The following UBE2U variants were observed in gnomAD, a reference collection of about 807,000 sequenced individuals.
UBE2U encodes the protein ubiquitin conjugating enzyme E2 U.
UBE2U carries 39 observed loss-of-function variants against 41.2 expected under a neutral mutation model. That is an observed-to-expected ratio of 0.95 (90% CI 0.73 to 1.24). The LOEUF (loss-of-function observed/expected upper bound fraction) is 1.24. Among genes scored for constraint, UBE2U ranks in the 50% most tolerant of loss-of-function variants. The pLI is 0.00. For synonymous variants in UBE2U, 107 were observed against 117.8 expected, an observed-to-expected ratio of 0.91 and a Z score of 0.60; for missense variants, 336 against 363.1, an observed-to-expected ratio of 0.93 and a Z score of 0.61.
chr1:64,206,724 A>G, intron 2 of UBE2U, 40 bp from the exon 3 acceptor site: 1 of 1,246,258 alleles, frequency 8.0e-7, no homozygotes, highest in South Asian at 1.3e-5. Context: ...TAATCAATAA[A>G]CATGACACTT....
chr1:64,260,250 T>C lies in UBE2U; in HGVS notation c.678-353T>C, dbSNP rs76232521. Among the ~76,000 whole-genome samples, 281 of 152,294 alleles carry C rather than the reference T, an allele frequency of 1.8e-3. 1 individual carries two copies. Among genetic ancestry groups the C allele is most frequent in the African/African-American group, 6.4e-3 (266 of 41,572 alleles). ...AGAACTATGAGAGAATACATTTCTGTTATTTTAAGTCACCAAGTTTGTGGT... is the reference window on the plus strand; with the variant it reads ...AGAACTATGAGAGAATACATTTCTGCTATTTTAAGTCACCAAGTTTGTGGT... On this transcript the variant is annotated intron_variant, in intron 8 of 9. Coordinates refer to ENST00000371077, the MANE Select transcript of UBE2U (RefSeq NM_001366232.2).
At chr1:64,243,526 A>G (rs1644870034) in intron 8 of UBE2U, among the ~76,000 whole-genome samples, 1 of 152,132 alleles carries the variant, frequency 6.6e-6, no homozygotes, top group South Asian at 2.1e-4. Context: ...TGCCATATTA[A>G]GCATCTCTCA....
At chr1:64,239,157 A>AGAAGGAGAAG (rs756975010) in intron 7 of UBE2U, among the ~76,000 whole-genome samples, 2 of 37,064 alleles carry the variant, frequency 5.4e-5, no homozygotes, top group African/African-American at 1.7e-4. Context: ...GAAGAAGAAG[A>AGAAGGAGAAG]AAGAAGAAGA....
At chr1:64,211,627 G>C (rs1252609709) in intron 4 of UBE2U, among the ~76,000 whole-genome samples, 2 of 151,958 alleles carry the variant, frequency 1.3e-5, no homozygotes, top group African/African-American at 4.8e-5. Flanking sequence ...TTTCTGTAGA[G>C]ACGGGGTCTC....
intron 5 of UBE2U, among the ~76,000 whole-genome samples, chr1:64,219,395 A>G (rs1652260832): frequency 2.6e-5 from 4 of 151,294 alleles, no homozygotes; most frequent in Admixed American, 2.6e-4. Context: ...TTCTTTGTGT[A>G]TCCTCCCCTT....
intron 9 of UBE2U, among the ~76,000 whole-genome samples, chr1:64,262,702 G>C (rs1645196186): frequency 6.6e-6 from 1 of 152,170 alleles, no homozygotes; most frequent in African/African-American, 2.4e-5. Context: ...ATAATCATGT[G>C]AGTGAGACCT....
chr1:64,260,502 C>T, intron 8 of UBE2U, 101 bp from the exon 9 acceptor site: 1 of 882,780 alleles, frequency 1.1e-6, no homozygotes, highest in Non-Finnish European at 1.7e-6. Context: ...TATTGTTCTA[C>T]TTTTATGTTT....
chr1:64,260,571 T>C, intron 8 of UBE2U, 32 bp from the exon 9 acceptor site: 1 of 1,504,450 alleles, frequency 6.6e-7, no homozygotes, highest in East Asian at 2.5e-5. Context: ...CAAAATTCAT[T>C]TGGGAATTTA....
chr1:64,231,018 GCTGTTTC>G (rs1644554497), intron 6 of UBE2U, among the ~76,000 whole-genome samples: 1 of 151,960 alleles, frequency 6.6e-6, no homozygotes, highest in African/African-American at 2.4e-5. Flanking sequence ...TTTTTAAGGG[GCTGTTTC>G]CTTTATAGAA....
intron 7 of UBE2U, among the ~76,000 whole-genome samples, chr1:64,239,455 G>A (rs946258612): frequency 6.6e-6 from 1 of 151,786 alleles, no homozygotes; most frequent in Non-Finnish European, 1.5e-5. Flanking sequence ...TTGCCTGTTG[G>A]TGTGCTGCAC....
At chr1:64,220,318 A>G (rs1455070424) in intron 5 of UBE2U, among the ~76,000 whole-genome samples, 1 of 152,086 alleles carries the variant, frequency 6.6e-6, no homozygotes, top group East Asian at 1.9e-4. Context: ...CAGCTGGACG[A>G]GGGGAGAGAA....
intron 7 of UBE2U, among the ~76,000 whole-genome samples, chr1:64,241,188 G>C (rs1251533363): frequency 6.6e-6 from 1 of 152,156 alleles, no homozygotes; most frequent in Non-Finnish European, 1.5e-5. Flanking sequence ...GCCACTTCAA[G>C]TTGACTGGGC....
chr1:64,206,397 G>A (rs1651297142), intron 2 of UBE2U, among the ~76,000 whole-genome samples: 1 of 151,926 alleles, frequency 6.6e-6, no homozygotes, highest in Admixed American at 6.6e-5. Context: ...GCCAGGTTCA[G>A]AAGAAGGATA....
chr1:64,221,516 A>T (rs1652464951), intron 6 of UBE2U, among the ~76,000 whole-genome samples: 1 of 152,184 alleles, frequency 6.6e-6, no homozygotes, highest in South Asian at 2.1e-4. Context: ...AGGAGAAGAT[A>T]AGGTCTAGAT....
intron 7 of UBE2U, among the ~76,000 whole-genome samples, chr1:64,240,805 A>G (rs1364078507): frequency 1.3e-5 from 2 of 152,166 alleles, no homozygotes; most frequent in Non-Finnish European, 2.9e-5. Context: ...TCTGTCACAC[A>G]GGCTGGAGTG....
chr1:64,260,710 C>G lies in UBE2U; in HGVS notation c.769+16C>G. On this transcript the variant is annotated intron_variant, in intron 9 of 9. Transcript: ENST00000371077. The stretch of plus-strand genomic sequence containing the variant: ...CCAACTCTAAGTAAATCGATTCACT[C>G]TATTTGTTTTGCTTTTATAAATAAC... The G allele has an allele frequency of 6.5e-7, 1 of 1,537,626 alleles. No individual in the cohort carries two copies. Among genetic ancestry groups the G allele is most frequent in the South Asian group, 1.2e-5 (1 of 82,152 alleles).
chr1:64,262,251 A>G (rs1041202771), intron 9 of UBE2U, among the ~76,000 whole-genome samples: 1 of 152,230 alleles, frequency 6.6e-6, no homozygotes, highest in Non-Finnish European at 1.5e-5. Flanking sequence ...CACTTCTACC[A>G]TAGCCGTATC....
intron 9 of UBE2U, among the ~76,000 whole-genome samples, chr1:64,263,900 C>T (rs1645215748): frequency 6.6e-6 from 1 of 152,186 alleles, no homozygotes; most frequent in African/African-American, 2.4e-5. Context: ...TTTTGTCCCA[C>T]TTTGGGTGGC....
chr1:64,263,599 G>A (rs1323638343), intron 9 of UBE2U, among the ~76,000 whole-genome samples: 1 of 152,174 alleles, frequency 6.6e-6, no homozygotes, highest in Non-Finnish European at 1.5e-5. Context: ...TAGCAAGAGA[G>A]TTATTATGTA....
Sources: allele counts gnomAD v4.1 joint callset (sites outside exome capture counted in the v4.1 genomes callset), GRCh38; gene constraint gnomAD v4.1.1; transcripts MANE v1.5; gene names NCBI Gene and HGNC (gene_info 2026-07-23, HGNC 2026-07-21).